Variants in NCOA3 observed in about 807,000 individuals in gnomAD.
The protein encoded by NCOA3 is CBP-interacting protein.
A neutral mutation model predicts 158.8 loss-of-function variants in NCOA3; 51 were observed. The ratio of observed to expected loss-of-function variants is 0.32; its 90% confidence interval spans 0.26 to 0.41. The LOEUF (loss-of-function observed/expected upper bound fraction) is 0.41, where lower values mean the gene tolerates loss of function less well. Ranked by LOEUF, NCOA3 falls within the 10% of genes least tolerant of loss-of-function variation. The pLI is 1.00. For missense variants in NCOA3, 1,510 were observed against 1,746.6 expected (o/e 0.86, Z 2.41); for synonymous variants, 537 against 592.4 (o/e 0.91, Z 1.36).
intron 1 of NCOA3, among the ~76,000 whole-genome samples, chr20:47,509,418 T>C (rs1420113897): frequency 1.3e-5 from 2 of 152,124 alleles, no homozygotes; most frequent in African/African-American, 2.4e-5. Context: ...TCGCCTGACT[T>C]CATCACAGTA....
chr20:47,540,982 A>G (rs998368837), intron 1 of NCOA3, among the ~76,000 whole-genome samples: 5 of 152,160 alleles, frequency 3.3e-5, no homozygotes, highest in African/African-American at 1.2e-4. Context: ...CTGTTTGAAC[A>G]TGAACTATTG....
At chr20:47,515,676 G>T (rs547355645) in intron 1 of NCOA3, among the ~76,000 whole-genome samples, 21 of 151,916 alleles carry the variant, frequency 1.4e-4, no homozygotes, top group African/African-American at 4.8e-4. Flanking sequence ...GTAGAGACGG[G>T]ATTTCACTAT....
intron 13 of NCOA3, among the ~76,000 whole-genome samples, chr20:47,638,141 GTCC>G (rs2086546672): frequency 6.6e-6 from 1 of 152,142 alleles, no homozygotes. Flanking sequence ...ATTAAAACCT[GTCC>G]ATTGGTGTTT....
rs996053581 is a variant in NCOA3, at chr20:47,505,788, A to G, written c.-99+3769A>G. Among the ~76,000 whole-genome samples, 20 of 143,598 alleles carry G rather than the reference A, an allele frequency of 1.4e-4. 1 individual carries two copies. The highest frequency in any genetic ancestry group is 1.0e-3 in the Admixed American group (14 of 13,354). 94.2% of individuals were successfully genotyped at this position (143,598 alleles called of 152,430 possible). ...GAGATTGAGTGCTGCAGTAAAATGT[A>G]GGCATTTTCTCCTTTTTTTTTTTTT... is the stretch of plus-strand genomic sequence containing the variant. On this transcript the variant is annotated intron_variant, in intron 1 of 22. Transcript: ENST00000371998.
intron 9 of NCOA3, among the ~76,000 whole-genome samples, 191 bp from the exon 10 acceptor site, chr20:47,633,857 C>T (rs1023983313): frequency 1.3e-5 from 2 of 152,082 alleles, no homozygotes; most frequent in Non-Finnish European, 2.9e-5. Context: ...TGTAGTTGCT[C>T]TCTTGTTGGT....
intron 2 of NCOA3, among the ~76,000 whole-genome samples, chr20:47,595,529 C>T (rs2085739293): frequency 6.6e-6 from 1 of 152,142 alleles, no homozygotes; most frequent in South Asian, 2.1e-4. Flanking sequence ...TGGGATCTTC[C>T]ACTTGGTGTG....
In NCOA3 at chr20:47,639,606, C is replaced by CA. The variant is rs2086571119; in HGVS notation, c.2738dup (p.Thr914AspfsTer33). ...GCCAAACCGAAATGTGACTGTGACT[C>CA]AGACTCCTTCCTCAGGAGACTGGGG... On this transcript the variant is annotated frameshift_variant, in exon 15 of 23. Transcript: ENST00000371998. LOFTEE classifies it high-confidence loss of function. 6.2e-7 allele frequency: 1 copy of CA among 1,613,634 alleles called. No homozygotes were observed. Among genetic ancestry groups the CA allele is most frequent in the African/African-American group, 1.3e-5 (1 of 74,892 alleles).
intron 1 of NCOA3, among the ~76,000 whole-genome samples, chr20:47,558,279 T>C (rs1322107678): frequency 1.5e-5 from 2 of 132,164 alleles, no homozygotes; most frequent in Non-Finnish European, 3.2e-5. Flanking sequence ...ATGGGGTTTC[T>C]CCATGTTGGT....
intron 16 of NCOA3, among the ~76,000 whole-genome samples, chr20:47,640,559 A>G (rs553631698): frequency 1.3e-5 from 2 of 152,182 alleles, no homozygotes; most frequent in Non-Finnish European, 2.9e-5. Flanking sequence ...TGAAATAACT[A>G]TATAGCATCT....
At chr20:47,641,324 CTTTTTT>C (rs34173277) in intron 16 of NCOA3, among the ~76,000 whole-genome samples, 9 of 96,566 alleles carry the variant, frequency 9.3e-5, no homozygotes, top group African/African-American at 3.4e-4. Flanking sequence ...CTCAACATTT[CTTTTTT>C]TTTTTTTTTT....
intron 2 of NCOA3, among the ~76,000 whole-genome samples, chr20:47,585,156 A>G (rs757299876): frequency 1.3e-5 from 2 of 148,578 alleles, no homozygotes; most frequent in Non-Finnish European, 3.0e-5. Flanking sequence ...GATTCAAGCA[A>G]TTCTCATGCC....
At chr20:47,570,943 C>T (rs78802233) in intron 1 of NCOA3, among the ~76,000 whole-genome samples, 1,574 of 108,928 alleles carry the variant, frequency 0.014, 33 homozygotes, top group African/African-American at 0.045. Flanking sequence ...TATATATACA[C>T]ACACACACAC....
At chr20:47,640,565 C>T (rs1347840720) in intron 16 of NCOA3, among the ~76,000 whole-genome samples, 1 of 152,022 alleles carries the variant, frequency 6.6e-6, no homozygotes, top group Non-Finnish European at 1.5e-5. Flanking sequence ...AACTATATAG[C>T]ATCTTTAAAA....
intron 2 of NCOA3, among the ~76,000 whole-genome samples, chr20:47,593,773 T>A (rs996171623): frequency 6.6e-6 from 1 of 152,214 alleles, no homozygotes; most frequent in Admixed American, 6.5e-5. Flanking sequence ...CAAGTGCCTT[T>A]ATATAAACAT....
chr20:47,618,600 C>T (rs2086184414), intron 2 of NCOA3, among the ~76,000 whole-genome samples: 1 of 152,152 alleles, frequency 6.6e-6, no homozygotes, highest in Admixed American at 6.5e-5. Flanking sequence ...GTGATTCGCC[C>T]ATCTTGGCCT....
intron 2 of NCOA3, among the ~76,000 whole-genome samples, chr20:47,583,540 C>A (rs937162258): frequency 2.6e-5 from 4 of 152,172 alleles, no homozygotes; most frequent in South Asian, 2.1e-4. Flanking sequence ...CTACTAATAA[C>A]CTCCTCTTGC....
intron 1 of NCOA3, among the ~76,000 whole-genome samples, chr20:47,578,727 A>C (rs1011153703): frequency 3.9e-5 from 6 of 151,996 alleles, no homozygotes; most frequent in African/African-American, 1.5e-4. Context: ...GACCCAGTCT[A>C]CTCTGTAGTA....
intron 1 of NCOA3, among the ~76,000 whole-genome samples, chr20:47,504,307 A>G (rs1047687949): frequency 6.6e-6 from 1 of 152,156 alleles, no homozygotes; most frequent in African/African-American, 2.4e-5. Context: ...CGAGCAAATA[A>G]AATAGAATTC....
chr20:47,536,683 G>A (rs1255640367), intron 1 of NCOA3, among the ~76,000 whole-genome samples: 1 of 152,090 alleles, frequency 6.6e-6, no homozygotes, highest in Non-Finnish European at 1.5e-5. Flanking sequence ...ATAGAGATGA[G>A]TCTCACTTTG....
Sources: allele counts gnomAD v4.1 joint callset (sites outside exome capture counted in the v4.1 genomes callset), GRCh38; gene constraint gnomAD v4.1.1; transcripts MANE v1.5; gene names NCBI Gene and HGNC (gene_info 2026-07-23, HGNC 2026-07-21).